GATAD2A: variants seen among roughly 807,000 people sequenced by gnomAD.
GATAD2A encodes transcriptional repressor p66-alpha.
In GATAD2A, 12 loss-of-function variants were observed where a neutral mutation model predicts 68.5. The observed-to-expected ratio is 0.18, with a 90% CI of 0.11 to 0.28. The LOEUF (loss-of-function observed/expected upper bound fraction) is 0.28. Ranked by LOEUF, GATAD2A falls within the 10% of genes least tolerant of loss-of-function variation. The pLI, the probability that GATAD2A is intolerant of heterozygous loss-of-function variation, is 1.00. For synonymous variants in GATAD2A, 410 were observed against 375.3 expected (o/e 1.09, Z -1.07); for missense variants, 755 against 868.5 (o/e 0.87, Z 1.64).
At chr19:19,426,485 T>C (rs2053106057) in intron 1 of GATAD2A, among the ~76,000 whole-genome samples, 1 of 152,150 alleles carries the variant, frequency 6.6e-6, no homozygotes, top group South Asian at 2.1e-4. Flanking sequence ...TACCTCACCA[T>C]TCCATGTGTT....
At chr19:19,409,354 C>T (rs1189189884) in intron 1 of GATAD2A, among the ~76,000 whole-genome samples, 3 of 152,156 alleles carry the variant, frequency 2.0e-5, no homozygotes, top group African/African-American at 7.2e-5. Flanking sequence ...GTGAAGTCTT[C>T]TCGAGCAGCT....
intron 1 of GATAD2A, among the ~76,000 whole-genome samples, chr19:19,463,638 C>T (rs777441355): frequency 6.6e-6 from 1 of 152,148 alleles, no homozygotes; most frequent in African/African-American, 2.4e-5. Context: ...AAACCTGTGC[C>T]CTTGAGATTC....
intron 1 of GATAD2A, among the ~76,000 whole-genome samples, chr19:19,414,530 CTTTTTTTTTTTTTTT>C (rs758728889): frequency 5.7e-5 from 4 of 70,212 alleles, no homozygotes; most frequent in South Asian, 1.1e-3. Context: ...AGGGCCTTGT[CTTTTTTTTTTTTTTT>C]TTTTTTTTTT....
At chr19:19,439,348 A>G (rs2054724273) in intron 1 of GATAD2A, among the ~76,000 whole-genome samples, 1 of 152,224 alleles carries the variant, frequency 6.6e-6, no homozygotes, top group South Asian at 2.1e-4. Flanking sequence ...ATCACAGGAC[A>G]GGTAATGCAC....
At chr19:19,502,224 A>G (rs564459700) in intron 10 of GATAD2A, 107 bp from the exon 11 acceptor site, 33 of 988,702 alleles carry the variant, frequency 3.3e-5, no homozygotes, top group Middle Eastern at 5.2e-4. Flanking sequence ...TAGGGACCCC[A>G]TGTGGGTGGG....
intron 8 of GATAD2A, among the ~76,000 whole-genome samples, chr19:19,499,766 C>G (rs2060397498): frequency 6.6e-6 from 1 of 152,200 alleles, no homozygotes; most frequent in Admixed American, 6.5e-5. Context: ...TTGCTTGTAA[C>G]CCACTCCCTT....
At chr19:19,498,406 G>A (rs541290347) in intron 7 of GATAD2A, 37 bp from the exon 8 acceptor site, 12 of 1,576,298 alleles carry the variant, frequency 7.6e-6, no homozygotes, top group East Asian at 6.8e-5. Flanking sequence ...CTGGGCAGGC[G>A]CACGGAGCGC....
At chr19:19,430,262 G>A (rs933092482) in intron 1 of GATAD2A, among the ~76,000 whole-genome samples, 1 of 152,192 alleles carries the variant, frequency 6.6e-6, no homozygotes, top group Non-Finnish European at 1.5e-5. Context: ...GCCAGCCAGC[G>A]CATGGTAGAC....
intron 1 of GATAD2A, chr19:19,435,986 A>G (rs1035234118): frequency 2.6e-6 from 1 of 378,894 alleles, no homozygotes; most frequent in Non-Finnish European, 5.4e-6. Context: ...GACTGTCCCC[A>G]TTGTGGAAGG....
In GATAD2A at chr19:19,420,719, A is replaced by T. The variant is rs940168341; in HGVS notation, c.-7+14700A>T. ...CGGTAGTCCCTTGCATGAAGTGCTG[A>T]TAACAGTGTGGGTTCCATCGTGTGA... is the stretch of plus-strand genomic sequence containing the variant. On this transcript the variant is annotated intron_variant, in intron 1 of 11. Transcript: ENST00000683918. Among the ~76,000 whole-genome samples the T allele has an allele frequency of 2.0e-5, 3 of 151,924 alleles. No homozygotes were observed. In the East Asian group the frequency reaches 5.8e-4, roughly 29 times the overall value.
chr19:19,493,624 A>G (rs2059952708), intron 4 of GATAD2A, among the ~76,000 whole-genome samples: 1 of 152,182 alleles, frequency 6.6e-6, no homozygotes, highest in Non-Finnish European at 1.5e-5. Context: ...TCATTGCCTC[A>G]GTGACCCAGA....
intron 1 of GATAD2A, among the ~76,000 whole-genome samples, chr19:19,463,575 TA>T (rs1439357601): frequency 6.6e-6 from 1 of 152,064 alleles, no homozygotes. Flanking sequence ...GGATAGGTGG[TA>T]GGTGCAGGCT....
chr19:19,465,378 G>C lies in GATAD2A; in HGVS notation c.33G>C (p.Gln11His). ...AAGAAGCATGCCGAACACGGAGTCA[G>C]AAACGAGCGCTTGAACGGGACCCAA... Reference protein sequence around the residue: MTEEACRTRSQKRALERDPTE... With the variant: MTEEACRTRSHKRALERDPTE... Residue 11 changes from glutamine to histidine, a missense_variant, in exon 2 of 12, where the codon CAG (glutamine) becomes CAC (histidine). Physicochemically the swap from Gln to His is conservative, Grantham distance 24 (BLOSUM62 0). Transcript: ENST00000683918. The C allele has an allele frequency of 6.2e-7, 1 of 1,614,056 alleles. No individual in the cohort carries two copies. The highest frequency in any genetic ancestry group is 2.2e-5 in the East Asian group (1 of 44,892).
chr19:19,494,374 A>G lies in GATAD2A; in HGVS notation c.615A>G (p.Pro205=), dbSNP rs1312721640. The change falls in exon 5 of 12, where the codon CCA becomes CCG. Residue 205 remains proline (P), a synonymous_variant. Coordinates refer to ENST00000683918, the MANE Select transcript of GATAD2A (RefSeq NM_001384528.1). ...CTCAGAACATTCCTGCTGGCAAGCC[A>G]TCACTCCAGGTCAGTGTCCTTTCTG... The part of the protein sequence containing the change: ...RGTQNIPAGK[P]SLQTSSARMP... 1 of 1,604,254 alleles carries G rather than the reference A, an allele frequency of 6.2e-7. No homozygotes were observed. Among genetic ancestry groups the G allele is most frequent in the South Asian group, 1.1e-5 (1 of 90,888 alleles).
At chr19:19,498,307 G>C in intron 7 of GATAD2A, 136 bp from the exon 8 acceptor site, 1 of 750,226 alleles carries the variant, frequency 1.3e-6, no homozygotes, top group Non-Finnish European at 2.1e-6. Context: ...TCATGGCTGG[G>C]TTCACTTTTG....
intron 1 of GATAD2A, among the ~76,000 whole-genome samples, chr19:19,419,974 T>C (rs1160071946): frequency 3.3e-5 from 5 of 151,060 alleles, no homozygotes. Context: ...ATCTGACTTA[T>C]TAAGTGTGTG....
At chr19:19,482,036 A>G (rs2059097975) in intron 2 of GATAD2A, among the ~76,000 whole-genome samples, 1 of 151,772 alleles carries the variant, frequency 6.6e-6, no homozygotes, top group Non-Finnish European at 1.5e-5. Flanking sequence ...GAGCCCAGGA[A>G]GTCGAGGCTG....
chr19:19,450,706 C>T (rs1244958112), intron 1 of GATAD2A, among the ~76,000 whole-genome samples: 5 of 145,576 alleles, frequency 3.4e-5, no homozygotes, highest in African/African-American at 5.1e-5. Context: ...GGCCTCTGTA[C>T]TGGGATGCTT....
At chr19:19,460,046 G>A (rs2147943957) in intron 1 of GATAD2A, among the ~76,000 whole-genome samples, 1 of 152,344 alleles carries the variant, frequency 6.6e-6, no homozygotes. Context: ...TGTTCTGCAT[G>A]GGAAAGAAGT....
Sources: gnomAD v4.1 joint callset for allele counts (sites outside exome capture counted in the v4.1 genomes callset) on GRCh38, gnomAD v4.1.1 for gene constraint, MANE v1.5 for transcripts, NCBI Gene and HGNC (gene_info 2026-07-23, HGNC 2026-07-21) for gene names.